POFUT2: variants seen among roughly 807,000 people sequenced by gnomAD.
The protein encoded by POFUT2 is protein O-fucosyltransferase 2, also known as GDP-fucose protein O-fucosyltransferase 2.
Under a neutral mutation model 55.0 loss-of-function variants are expected in POFUT2, and 30 were observed. The ratio of observed to expected loss-of-function variants is 0.55; its 90% CI spans 0.41 to 0.74. The LOEUF is 0.74. POFUT2 is among the 30% of genes least tolerant of loss of function. POFUT2 has a pLI of 0.00. For missense variants in POFUT2, 524 were observed against 562.6 expected, an observed-to-expected ratio of 0.93 and a Z score of 0.69; for synonymous variants, 267 against 231.1, an observed-to-expected ratio of 1.16 and a Z score of -1.41.
intron 6 of POFUT2, among the ~76,000 whole-genome samples, chr21:45,274,846 T>A (rs982265546): frequency 1.3e-5 from 2 of 152,120 alleles, no homozygotes; most frequent in African/African-American, 4.8e-5. Context: ...GACGATAACA[T>A]CAGAAAAACT....
rs768634519 is a variant in POFUT2, at chr21:45,282,342, C to A, written c.638+7G>T. 19 of 1,581,324 alleles carry A rather than the reference C, an allele frequency of 1.2e-5. No individual in the cohort carries two copies. On this transcript the variant is annotated splice_region_variant and intron_variant, in intron 4 of 8. Transcript: ENST00000349485. This position sits in a 1 kb window ranked among gnomAD's most constrained non-coding sequence, Gnocchi z 4.6. ...CAGGCTGCTCCCGGGGGGCCTGGGG[C>A]ACTCACCGGGCTGATGTGTTTCTCA... is the stretch of plus-strand genomic sequence containing the variant.
Position 45,285,546 on chromosome 21 carries a change from A to AG in POFUT2, c.382+131dup. 1 of 1,070,224 alleles carries AG rather than the reference A, an allele frequency of 9.3e-7. No individual in the cohort carries two copies. The highest frequency in any genetic ancestry group is 1.4e-6 in the Non-Finnish European group (1 of 709,350). The allele number at this position is 1,070,224 out of a possible 1,614,324, so 66.3% of individuals were successfully genotyped here. ...GGAGGTGCTGCCACAGGCCTCAGGC[A>AG]GCAGCACTGGGCACTGGAGGATGCT... On this transcript the variant is annotated intron_variant, in intron 2 of 8. Transcript: ENST00000349485. The surrounding 1 kb of genome is among the most constrained non-coding windows in gnomAD (Gnocchi z 4.9).
At chr21:45,268,140 C>T (rs546517548) in intron 7 of POFUT2, among the ~76,000 whole-genome samples, 92 of 151,834 alleles carry the variant, frequency 6.1e-4, no homozygotes, top group African/African-American at 2.1e-3. Context: ...ATTGCAGGCA[C>T]GCGCCACCAC....
intron 4 of POFUT2, 127 bp from the exon 5 acceptor site, chr21:45,278,296 AC>A: frequency 1.2e-6 from 1 of 811,428 alleles, no homozygotes; most frequent in East Asian, 2.4e-5. Flanking sequence ...AGGGACACTA[AC>A]CAGGGCGCGT....
chr21:45,278,108 A>G lies in POFUT2; in HGVS notation c.700T>C (p.Trp234Arg). 1 of 1,612,530 alleles carries G rather than the reference A, an allele frequency of 6.2e-7. No individual in the cohort carries two copies. Among genetic ancestry groups the G allele is most frequent in the Non-Finnish European group, 8.5e-7 (1 of 1,178,512 alleles). Residue 234 changes from tryptophan to arginine, a missense_variant, in exon 5 of 9, where the codon TGG (tryptophan) becomes CGG (arginine). Trp to Arg is a moderately radical substitution (Grantham distance 101, BLOSUM62 -3). This residue lies in a region of POFUT2 where 250 missense variants were observed against 318.2 expected (regional missense o/e 0.79). Coordinates refer to ENST00000349485, the MANE Select transcript of POFUT2 (RefSeq NM_133635.6). Reference sequence around the variant, plus strand: ...GCTCCCGAGGAAACACTCACATCCCAGTATTCTTTCCCTCCATAGTGGTCG... The same window carrying G: ...GCTCCCGAGGAAACACTCACATCCCGGTATTCTTTCCCTCCATAGTGGTCG... ...LHDHYGGKEY[W>R]DTRRSMVFAR...
chr21:45,277,317 G>T lies in POFUT2; in HGVS notation c.706-175C>A. On this transcript the variant is annotated intron_variant, in intron 5 of 8. Coordinates refer to ENST00000349485, the MANE Select transcript of POFUT2 (RefSeq NM_133635.6). This position sits in a 1 kb window ranked among gnomAD's most constrained non-coding sequence, Gnocchi z 6.9. ...CATCCACGGTGGAGGCTCTTGGAGG[G>T]TCTCCTGCATGAAGCCAACGCAGGG... 2 of 833,988 alleles carry T rather than the reference G, an allele frequency of 2.4e-6. No homozygotes were observed. The highest frequency in any genetic ancestry group is 3.6e-6 in the Non-Finnish European group (2 of 556,522). The allele number at this position is 833,988 out of a possible 1,614,324, so 51.7% of individuals were successfully genotyped here.
In POFUT2 at chr21:45,266,218, A is replaced by G. The variant is rs891818730; in HGVS notation, c.1137-583T>C. The G allele has an allele frequency of 2.9e-6, 4 of 1,367,482 alleles. No homozygotes were observed. In the Admixed American group the frequency reaches 7.6e-5, roughly 26 times the overall value. 84.7% of individuals were successfully genotyped at this position (1,367,482 alleles called of 1,614,324 possible). Reference sequence around the variant, plus strand: ...AGCTGGTCTCTGGCTCTCCAGCGGCACTTCATGAACTTCGTGAACAAGCAA... The same window carrying G: ...AGCTGGTCTCTGGCTCTCCAGCGGCGCTTCATGAACTTCGTGAACAAGCAA... On this transcript the variant is annotated intron_variant, in intron 8 of 8. Coordinates refer to ENST00000349485, the MANE Select transcript of POFUT2 (RefSeq NM_133635.6).
rs1237233914 is a variant in POFUT2, at chr21:45,284,926, A to T, written c.382+752T>A. 6.6e-6 allele frequency among the ~76,000 whole-genome samples: 1 copy of T among 152,212 alleles called. No homozygotes were observed. Among genetic ancestry groups the T allele is most frequent in the Non-Finnish European group, 1.5e-5 (1 of 68,036 alleles). On this transcript the variant is annotated intron_variant, in intron 2 of 8. Coordinates refer to ENST00000349485, the MANE Select transcript of POFUT2 (RefSeq NM_133635.6). The surrounding 1 kb of genome is among the most constrained non-coding windows in gnomAD (Gnocchi z 5.8). ...ACTCACAAGACTGACCTTGACACAG[A>T]AAACATTTCAGAGTGACAAGATCTA...
intron 6 of POFUT2, among the ~76,000 whole-genome samples, chr21:45,276,610 T>G: frequency 6.6e-6 from 1 of 152,202 alleles, no homozygotes; most frequent in East Asian, 1.9e-4. Flanking sequence ...CTGATGGTGC[T>G]TTTGGGTGAG....
Position 45,267,146 on chromosome 21 carries a change from T to A in POFUT2, c.1136+444A>T. 8.3e-7 allele frequency: 1 copy of A among 1,207,526 alleles called. No individual in the cohort carries two copies. 74.8% of individuals were successfully genotyped at this position (1,207,526 alleles called of 1,614,324 possible). A position where few individuals can be genotyped will look rare whatever the true frequency, so the allele number is the denominator to read the frequency against. On this transcript the variant is annotated intron_variant, in intron 8 of 8. Transcript: ENST00000349485. The surrounding 1 kb of genome is among the most constrained non-coding windows in gnomAD (Gnocchi z 4.4). ...ATGCTCCCAGCCTTGGGGACGCTCA[T>A]GGCAGCCCCACGAGAATGATCACAC... is the stretch of plus-strand genomic sequence containing the variant.
rs1396421009 is a variant in POFUT2 at position 45,264,584 on chromosome 21, G to A, written c.*898C>T. The A allele has an allele frequency of 6.6e-6, 1 of 152,266 alleles. No individual in the cohort carries two copies. Among genetic ancestry groups the A allele is most frequent in the African/African-American group, 2.4e-5 (1 of 41,492 alleles). The allele number at this position is 152,266 out of a possible 1,614,324, so 9.4% of individuals were successfully genotyped here. On this transcript the variant is annotated 3_prime_UTR_variant, in exon 9 of 9. Transcript: ENST00000349485. ...GCGTAACTGTCCTTCCTCATTTCTA[G>A]TTCTCAATAGCGAATGGCAGACCTG...
chr21:45,268,840 C>T (rs374000219), intron 7 of POFUT2, among the ~76,000 whole-genome samples: 6,721 of 89,948 alleles, frequency 0.075, 137 homozygotes, highest in East Asian at 0.11. Flanking sequence ...CCCGGCCAGC[C>T]GCCCCGTCCG....
Position 45,267,756 on chromosome 21 carries a change from G to T in POFUT2, c.1013-43C>A, listed in dbSNP as rs1426802607. ...AGACCCTTTGAACCGGGATCCTCCA[G>T]TAAGGACAGATACGTGACTCTTTAG... is the stretch of plus-strand genomic sequence containing the variant. On this transcript the variant is annotated intron_variant, in intron 7 of 8. Transcript: ENST00000349485. The surrounding 1 kb of genome is among the most constrained non-coding windows in gnomAD (Gnocchi z 4.4). 1 of 1,566,486 alleles carries T rather than the reference G, an allele frequency of 6.4e-7. No homozygotes were observed. The highest frequency in any genetic ancestry group is 2.2e-5 in the East Asian group (1 of 44,576).
chr21:45,265,713 G>A lies in POFUT2; in HGVS notation c.1137-78C>T, dbSNP rs1013431991. 79 of 1,529,696 alleles carry A rather than the reference G, an allele frequency of 5.2e-5. No individual in the cohort carries two copies. In the African/African-American group the frequency reaches 1.0e-3, roughly 20 times the overall value. The allele number at this position is 1,529,696 out of a possible 1,614,324, so 94.8% of individuals were successfully genotyped here. On this transcript the variant is annotated intron_variant, in intron 8 of 8. Coordinates refer to ENST00000349485, the MANE Select transcript of POFUT2 (RefSeq NM_133635.6). The surrounding 1 kb of genome is among the most constrained non-coding windows in gnomAD (Gnocchi z 4.6). ...TTCCAGAGTCAGGGAGAACTGAGAG[G>A]AGCAGCTGAGTGAAATGAGTTCCAC... is the stretch of plus-strand genomic sequence containing the variant.
chr21:45,274,290 A>T (rs1400933212), intron 6 of POFUT2, among the ~76,000 whole-genome samples: 1 of 152,214 alleles, frequency 6.6e-6, no homozygotes, highest in Non-Finnish European at 1.5e-5. Flanking sequence ...GAAAATTACA[A>T]AACACTGCTG....
chr21:45,285,598 C>T lies in POFUT2; in HGVS notation c.382+80G>A, dbSNP rs2031298425. 1.3e-6 allele frequency: 2 copies of T among 1,577,158 alleles called. No individual in the cohort carries two copies. The highest frequency in any genetic ancestry group is 1.7e-6 in the Non-Finnish European group (2 of 1,153,244). On this transcript the variant is annotated intron_variant, in intron 2 of 8. Transcript: ENST00000349485. This position sits in a 1 kb window ranked among gnomAD's most constrained non-coding sequence, Gnocchi z 4.9. Reference sequence around the variant, plus strand: ...GTGAGGCTGGATGCAATCGTAAGCCCAACCTGATGTCTACCTTAGAAATGA... The same window carrying T: ...GTGAGGCTGGATGCAATCGTAAGCCTAACCTGATGTCTACCTTAGAAATGA...
At chr21:45,283,553 C>T in intron 2 of POFUT2, 26 bp from the exon 3 acceptor site, 1 of 1,611,798 alleles carries the variant, frequency 6.2e-7, no homozygotes, top group Non-Finnish European at 8.5e-7. Flanking sequence ...AAAAGCCAGG[C>T]AGTGTGACAG....
chr21:45,283,729 G>A (rs906355126), intron 2 of POFUT2, among the ~76,000 whole-genome samples: 6 of 152,180 alleles, frequency 3.9e-5, no homozygotes, highest in Admixed American at 6.5e-5. Flanking sequence ...TGCAGCTGGC[G>A]GGGGGTGGTG....
rs574062578 is a variant in POFUT2 at position 45,270,928 on chromosome 21, A to T, written c.832-909T>A. 7.9e-4 allele frequency among the ~76,000 whole-genome samples: 120 copies of T among 152,374 alleles called. No homozygotes were observed. In the South Asian group the frequency reaches 0.025, roughly 31 times the overall value. ...GAGTTCCAGATCTTTCCACTGAAGTAGTCTGCCCAAATGAGAAGCAGGCAG... is the reference window on the plus strand; with the variant it reads ...GAGTTCCAGATCTTTCCACTGAAGTTGTCTGCCCAAATGAGAAGCAGGCAG... On this transcript the variant is annotated intron_variant, in intron 6 of 8. Transcript: ENST00000349485. This position sits in a 1 kb window ranked among gnomAD's most constrained non-coding sequence, Gnocchi z 4.6.
Sources: allele counts gnomAD v4.1 joint callset (sites outside exome capture counted in the v4.1 genomes callset), GRCh38; gene constraint gnomAD v4.1.1; regional missense constraint gnomAD v4.1.1; non-coding constraint Gnocchi (gnomAD v3.1); transcripts MANE v1.5; gene names NCBI Gene and HGNC (gene_info 2026-07-23, HGNC 2026-07-21).